NCK2: variants seen among roughly 807,000 people sequenced by gnomAD.
The protein encoded by NCK2 is cytoplasmic protein NCK2.
In NCK2, 16 loss-of-function variants were observed where a neutral mutation model predicts 33.9. That is an observed-to-expected ratio of 0.47 (90% CI 0.32 to 0.72). The LOEUF is 0.72. Ranked by LOEUF, NCK2 falls within the 30% of genes least tolerant of loss-of-function variation. The probability of loss-of-function intolerance (pLI) is 0.03; values close to 1 mark genes in which losing one functional copy is unlikely to be tolerated. For synonymous variants in NCK2, 273 were observed against 239.9 expected (o/e 1.14, Z -1.27); for missense variants, 418 against 537.3 (o/e 0.78, Z 2.19).
At chr2:105,820,844 TAGGA>T (rs1262912132) in intron 2 of NCK2, among the ~76,000 whole-genome samples, 2 of 152,154 alleles carry the variant, frequency 1.3e-5, no homozygotes, top group African/African-American at 4.8e-5. Context: ...TGTAGTGGGA[TAGGA>T]AGGACAGTGG....
chr2:105,820,041 C>T (rs888965177), intron 2 of NCK2, among the ~76,000 whole-genome samples: 9 of 152,204 alleles, frequency 5.9e-5, no homozygotes, highest in Non-Finnish European at 1.2e-4. Flanking sequence ...GTCCCTAATA[C>T]TTGAGGCAGG....
intron 1 of NCK2, among the ~76,000 whole-genome samples, chr2:105,800,905 C>G (rs1674806262): frequency 1.3e-5 from 2 of 152,134 alleles, no homozygotes; most frequent in South Asian, 4.1e-4. Context: ...ACATGCCTGT[C>G]CAGGTGGTTG....
chr2:105,815,322 ATAGCCCTATTTGAATTATCTTCT>A lies in NCK2; in HGVS notation c.-200-1105_-200-1083del, dbSNP rs144459854. Among the ~76,000 whole-genome samples the A allele has an allele frequency of 4.0e-3, 604 of 152,366 alleles. 3 individuals are homozygous for A. The highest frequency in any genetic ancestry group is 0.014 in the African/African-American group (580 of 41,590). On this transcript the variant is annotated intron_variant, in intron 1 of 4. Transcript: ENST00000233154. ...GAACTTGCCTTATAACATTTTTATG[ATAGCCCTATTTGAATTATCTTCT>A]TATCTTTGACTAAAATAGAATTCGA...
At chr2:105,750,813 G>GT (rs1297742291) in intron 1 of NCK2, among the ~76,000 whole-genome samples, 1 of 152,214 alleles carries the variant, frequency 6.6e-6, no homozygotes, top group Non-Finnish European at 1.5e-5. Context: ...GCAAAGGAAA[G>GT]TTTTTTCTGA....
At chr2:105,756,592 A>T (rs989627809) in intron 1 of NCK2, among the ~76,000 whole-genome samples, 1 of 152,188 alleles carries the variant, frequency 6.6e-6, no homozygotes, top group Non-Finnish European at 1.5e-5. Context: ...TGACTGGCCC[A>T]CTGGGGTCCT....
chr2:105,860,032 C>G (rs1373820815), intron 3 of NCK2, among the ~76,000 whole-genome samples: 1 of 152,134 alleles, frequency 6.6e-6, no homozygotes, highest in Non-Finnish European at 1.5e-5. Context: ...TGCCTGTAAT[C>G]CCAGTGCTTT....
At position 105,765,629 on chromosome 2, in the gene NCK2, C is replaced by T. The variant is rs147402886; in HGVS notation, c.-201+20491C>T. ...AGGGCTGGATTATCGTATTTTTGGT[C>T]GCTGGCTAAAACAGAGACAGAGGTA... On this transcript the variant is annotated intron_variant, in intron 1 of 4. Transcript: ENST00000233154. Among the ~76,000 whole-genome samples the T allele has an allele frequency of 6.6e-5, 10 of 150,452 alleles. No individual in the cohort carries two copies. The East Asian group carries it at 1.6e-3, about 23-fold the overall frequency.
chr2:105,773,054 G>A (rs1690187224), intron 1 of NCK2, among the ~76,000 whole-genome samples: 1 of 151,450 alleles, frequency 6.6e-6, no homozygotes, highest in African/African-American at 2.4e-5. Flanking sequence ...ACCCCACTCA[G>A]CAAATTTTTT....
At chr2:105,870,725 T>C (rs899748818) in intron 3 of NCK2, among the ~76,000 whole-genome samples, 1 of 151,826 alleles carries the variant, frequency 6.6e-6, no homozygotes, top group Non-Finnish European at 1.5e-5. Context: ...CACTCCAGCC[T>C]GGGTGACACA....
intron 4 of NCK2, among the ~76,000 whole-genome samples, chr2:105,890,497 T>C (rs116384858): frequency 2.9e-3 from 435 of 152,358 alleles, no homozygotes; most frequent in African/African-American, 9.9e-3. Context: ...TAATCATCTA[T>C]AGGCTGAGGC....
At chr2:105,882,780 T>C (rs1301408107) in intron 4 of NCK2, among the ~76,000 whole-genome samples, 1 of 152,100 alleles carries the variant, frequency 6.6e-6, no homozygotes, top group African/African-American at 2.4e-5. Flanking sequence ...ACTCGACCAG[T>C]TTTGCAAACG....
At chr2:105,785,497 C>T (rs6732799) in intron 1 of NCK2, among the ~76,000 whole-genome samples, 33,599 of 152,128 alleles carry the variant, frequency 0.22, 4,863 homozygotes, top group African/African-American at 0.4. Context: ...ACCAAAAGAC[C>T]GCCAATACAA....
intron 1 of NCK2, among the ~76,000 whole-genome samples, chr2:105,793,578 A>C (rs1409777977): frequency 6.6e-6 from 1 of 152,242 alleles, no homozygotes; most frequent in African/African-American, 2.4e-5. Context: ...CTGGTTCCCC[A>C]GTATCCACCA....
chr2:105,872,452 G>A (rs994953955), intron 3 of NCK2, among the ~76,000 whole-genome samples: 5 of 152,274 alleles, frequency 3.3e-5, no homozygotes, highest in South Asian at 2.1e-4. Flanking sequence ...CTGCGGGACC[G>A]AAAGAGACAT....
intron 2 of NCK2, among the ~76,000 whole-genome samples, chr2:105,837,261 A>G (rs893571286): frequency 1.3e-5 from 2 of 152,182 alleles, no homozygotes; most frequent in African/African-American, 2.4e-5. Flanking sequence ...AATGACGTCA[A>G]GCTCCTTGAT....
At chr2:105,879,309 C>T (rs1678366941) in intron 3 of NCK2, among the ~76,000 whole-genome samples, 2 of 152,232 alleles carry the variant, frequency 1.3e-5, no homozygotes, top group African/African-American at 2.4e-5. Flanking sequence ...GTGAGGCCTT[C>T]CTGGTTGAGC....
chr2:105,746,910 TC>T, intron 1 of NCK2, among the ~76,000 whole-genome samples: 1 of 152,192 alleles, frequency 6.6e-6, no homozygotes, highest in Non-Finnish European at 1.5e-5. Flanking sequence ...CCACTTCCTG[TC>T]CCGGAGGCCT....
At chr2:105,771,035 G>T (rs1026556655) in intron 1 of NCK2, among the ~76,000 whole-genome samples, 1 of 152,012 alleles carries the variant, frequency 6.6e-6, no homozygotes, top group Non-Finnish European at 1.5e-5. Flanking sequence ...CCATTCTCCT[G>T]CCTCAGCCTC....
At chr2:105,829,782 C>G (rs1350868735) in intron 2 of NCK2, among the ~76,000 whole-genome samples, 1 of 152,172 alleles carries the variant, frequency 6.6e-6, no homozygotes, top group Non-Finnish European at 1.5e-5. Context: ...GGAAGGAAGT[C>G]TCTGGGTGCA....
Sources: allele counts gnomAD v4.1 joint callset (sites outside exome capture counted in the v4.1 genomes callset), GRCh38; gene constraint gnomAD v4.1.1; transcripts MANE v1.5; gene names NCBI Gene and HGNC (gene_info 2026-07-23, HGNC 2026-07-21).